Variants in PTCSC3 observed in about 807,000 individuals in gnomAD.
The protein encoded by PTCSC3 is papillary thyroid carcinoma susceptibility candidate 3 (non-protein coding).
chr14:36,141,851 G>A (rs1881429141), intron 3 of PTCSC3, among the ~76,000 whole-genome samples: 1 of 152,192 alleles, frequency 6.6e-6, no homozygotes, highest in Admixed American at 6.5e-5. Context: ...TTGATGGTAT[G>A]TAGGAAAGTT....
At chr14:36,162,870 G>A (rs1273147332) in intron 1 of PTCSC3, among the ~76,000 whole-genome samples, 3 of 152,196 alleles carry the variant, frequency 2.0e-5, no homozygotes, top group Non-Finnish European at 4.4e-5. Flanking sequence ...TCCAGGTATT[G>A]ACTTGAGACC....
intron 3 of PTCSC3, among the ~76,000 whole-genome samples, chr14:36,142,155 A>G (rs10150516): frequency 0.12 from 17,948 of 152,192 alleles, 1,232 homozygotes; most frequent in Middle Eastern, 0.19. Flanking sequence ...GTTAGCTGGA[A>G]GTTTTTGGTA....
At chr14:36,164,701 C>T (rs1270621370) in intron 1 of PTCSC3, among the ~76,000 whole-genome samples, 2 of 152,222 alleles carry the variant, frequency 1.3e-5, no homozygotes, top group Non-Finnish European at 2.9e-5. Flanking sequence ...CATTTCCCCA[C>T]TGACCTCTAT....
intron 3 of PTCSC3, among the ~76,000 whole-genome samples, chr14:36,142,781 A>G (rs1881455582): frequency 6.7e-6 from 1 of 148,938 alleles, no homozygotes; most frequent in South Asian, 2.2e-4. Flanking sequence ...AGCATTAGGT[A>G]TATCTCCCAA....
At chr14:36,148,626 G>T (rs185155678) in intron 3 of PTCSC3, among the ~76,000 whole-genome samples, 27 of 152,310 alleles carry the variant, frequency 1.8e-4, no homozygotes, top group African/African-American at 6.3e-4. Context: ...CCTGTCTTCT[G>T]CCTTGCTCAC....
intron 2 of PTCSC3, among the ~76,000 whole-genome samples, chr14:36,161,957 C>G (rs1594454091): frequency 6.6e-6 from 1 of 152,188 alleles, no homozygotes; most frequent in South Asian, 2.1e-4. Context: ...CTTTGCGGAG[C>G]TGCGGTGGGC....
At chr14:36,144,091 G>A (rs957923432) in intron 3 of PTCSC3, among the ~76,000 whole-genome samples, 1 of 152,130 alleles carries the variant, frequency 6.6e-6, no homozygotes, top group East Asian at 1.9e-4. Flanking sequence ...GTCAGGTAGT[G>A]TGATGCCTCC....
At chr14:36,142,304 G>A (rs1472581217) in intron 3 of PTCSC3, among the ~76,000 whole-genome samples, 1 of 152,068 alleles carries the variant, frequency 6.6e-6, no homozygotes, top group East Asian at 1.9e-4. Flanking sequence ...TGATTTTATG[G>A]ATTATATTAA....
chr14:36,155,954 A>C (rs1485153456), intron 2 of PTCSC3, among the ~76,000 whole-genome samples: 1 of 152,220 alleles, frequency 6.6e-6, no homozygotes, highest in Non-Finnish European at 1.5e-5. Flanking sequence ...ATGTTACTGC[A>C]TCCAATAGAT....
chr14:36,154,545 C>T (rs139400482), intron 2 of PTCSC3, among the ~76,000 whole-genome samples: 3 of 152,214 alleles, frequency 2.0e-5, no homozygotes, highest in African/African-American at 7.2e-5. Context: ...ATATTACTTA[C>T]TATCACTCTA....
At chr14:36,166,573 C>T (rs1882090966) in intron 1 of PTCSC3, among the ~76,000 whole-genome samples, 2 of 152,098 alleles carry the variant, frequency 1.3e-5, no homozygotes, top group African/African-American at 2.4e-5. Context: ...TGTTGTGCTA[C>T]ATCCAGCTTT....
chr14:36,168,398 T>TATATATATATATATATATATA (rs1594456883), intron 1 of PTCSC3, among the ~76,000 whole-genome samples: 1 of 142,760 alleles, frequency 7.0e-6, no homozygotes, highest in Admixed American at 7.1e-5. Flanking sequence ...TATATATATA[T>TATATATATATATATATATATA]TCTACTTTTT....
chr14:36,140,813 G>A (rs968555765), intron 3 of PTCSC3, among the ~76,000 whole-genome samples: 3 of 152,112 alleles, frequency 2.0e-5, no homozygotes, highest in Admixed American at 1.3e-4. Flanking sequence ...TCAAACCTTG[G>A]ATCATTTAGA....
intron 3 of PTCSC3, among the ~76,000 whole-genome samples, chr14:36,147,022 T>C (rs991291616): frequency 5.9e-5 from 9 of 152,252 alleles, no homozygotes; most frequent in South Asian, 2.1e-4. Context: ...GAGTTTCTAC[T>C]GAGAGATCAG....
chr14:36,160,790 T>G (rs1207449116), intron 2 of PTCSC3, among the ~76,000 whole-genome samples: 1 of 152,162 alleles, frequency 6.6e-6, no homozygotes, highest in East Asian at 1.9e-4. Flanking sequence ...GTTGGGGGAG[T>G]TCTCCTGGAT....
At chr14:36,150,188 CAA>C (rs1309748510) in intron 3 of PTCSC3, among the ~76,000 whole-genome samples, 2 of 152,150 alleles carry the variant, frequency 1.3e-5, no homozygotes, top group Non-Finnish European at 2.9e-5. Context: ...TATGTCCCCT[CAA>C]AATTCATGTT....
chr14:36,140,550 G>C (rs1008481899), intron 3 of PTCSC3, among the ~76,000 whole-genome samples: 1 of 152,176 alleles, frequency 6.6e-6, no homozygotes, highest in Non-Finnish European at 1.5e-5. Flanking sequence ...TCCATGTGCA[G>C]TAGTACCTCA....
intron 2 of PTCSC3, among the ~76,000 whole-genome samples, chr14:36,162,200 C>T (rs1284160654): frequency 6.9e-6 from 1 of 145,316 alleles, no homozygotes; most frequent in African/African-American, 2.6e-5. Context: ...CTTCAGCCCT[C>T]TTTCCAGGGG....
chr14:36,159,545 A>G (rs1294411882), intron 2 of PTCSC3, among the ~76,000 whole-genome samples: 1 of 152,114 alleles, frequency 6.6e-6, no homozygotes, highest in Non-Finnish European at 1.5e-5. Context: ...GTTTCCATGT[A>G]GTTGTGTGGT....
Sources: gnomAD v4.1 joint callset for allele counts (sites outside exome capture counted in the v4.1 genomes callset) on GRCh38, gnomAD v4.1.1 for gene constraint, MANE v1.5 for transcripts, NCBI Gene and HGNC (gene_info 2026-07-23, HGNC 2026-07-21) for gene names.